Variants in NCK2 observed in about 807,000 individuals in gnomAD.
NCK2 encodes the protein NCK adaptor protein 2, also known as cytoplasmic protein NCK2.
Under a neutral mutation model 33.9 loss-of-function variants are expected in NCK2, and 16 were observed. The ratio of observed to expected loss-of-function variants is 0.47; its 90% confidence interval spans 0.32 to 0.72. The LOEUF (loss-of-function observed/expected upper bound fraction) is 0.72. NCK2 is among the 30% of genes least tolerant of loss of function. The pLI, the probability that NCK2 is intolerant of heterozygous loss-of-function variation, is 0.03. For synonymous variants in NCK2, 273 were observed against 239.9 expected, an observed-to-expected ratio of 1.14 and a Z score of -1.27; for missense variants, 418 against 537.3, an observed-to-expected ratio of 0.78 and a Z score of 2.19.
chr2:105,755,909 C>A (rs1689586720), intron 1 of NCK2, among the ~76,000 whole-genome samples: 1 of 152,172 alleles, frequency 6.6e-6, no homozygotes, highest in African/African-American at 2.4e-5. Context: ...TAATTTCCTT[C>A]TTTGTATAGT....
chr2:105,857,950 A>G (rs972155314), intron 3 of NCK2, among the ~76,000 whole-genome samples: 4 of 152,242 alleles, frequency 2.6e-5, no homozygotes, highest in Non-Finnish European at 5.9e-5. Flanking sequence ...GGCGTTGCCA[A>G]GAAGGAAAGT....
At chr2:105,852,277 A>G (rs1043411005) in intron 2 of NCK2, among the ~76,000 whole-genome samples, 5 of 152,188 alleles carry the variant, frequency 3.3e-5, no homozygotes, top group Admixed American at 2.0e-4. Context: ...ACTGCTCAAC[A>G]TTTACTTCCC....
chr2:105,780,341 C>T (rs1275853930), intron 1 of NCK2, among the ~76,000 whole-genome samples: 16 of 143,412 alleles, frequency 1.1e-4, no homozygotes, highest in Admixed American at 2.8e-4. Flanking sequence ...CACACACACA[C>T]ACACACACAC....
At chr2:105,755,306 G>A (rs868141268) in intron 1 of NCK2, among the ~76,000 whole-genome samples, 2 of 152,156 alleles carry the variant, frequency 1.3e-5, no homozygotes, top group African/African-American at 2.4e-5. Context: ...GTCAGACATC[G>A]TGCTGTTGTG....
In NCK2 at chr2:105,893,340, C is replaced by T; in HGVS notation, c.*164C>T. ...GTTCGTCTCCCATTTGCCATCCAGG[C>T]CTCACACCCACACTCGAGCCCACCC... On this transcript the variant is annotated 3_prime_UTR_variant, in exon 5 of 5. Transcript: ENST00000233154. 1 of 677,652 alleles carries T rather than the reference C, an allele frequency of 1.5e-6. No individual in the cohort carries two copies. Among genetic ancestry groups the T allele is most frequent in the Non-Finnish European group, 2.4e-6 (1 of 414,464 alleles). The allele number at this position is 677,652 out of a possible 1,614,324, so 42.0% of individuals were successfully genotyped here.
intron 2 of NCK2, among the ~76,000 whole-genome samples, chr2:105,826,982 G>A (rs1368887607): frequency 6.6e-6 from 1 of 151,906 alleles, no homozygotes; most frequent in Admixed American, 6.6e-5. Flanking sequence ...AGAAGACATA[G>A]CATTCTTTTT....
At chr2:105,781,579 A>T (rs1690498830) in intron 1 of NCK2, among the ~76,000 whole-genome samples, 1 of 152,228 alleles carries the variant, frequency 6.6e-6, no homozygotes, top group Non-Finnish European at 1.5e-5. Context: ...CCATTGCCAT[A>T]GTGTGACTTT....
chr2:105,810,346 A>G (rs1339971031), intron 1 of NCK2, among the ~76,000 whole-genome samples: 9 of 152,102 alleles, frequency 5.9e-5, no homozygotes, highest in African/African-American at 2.2e-4. Flanking sequence ...GCGAGCAAGC[A>G]CACAAGCAAG....
At chr2:105,838,948 A>G (rs918893582) in intron 2 of NCK2, among the ~76,000 whole-genome samples, 1 of 152,240 alleles carries the variant, frequency 6.6e-6, no homozygotes, top group African/African-American at 2.4e-5. Flanking sequence ...GGGCCATGGA[A>G]AAAGAGAAAA....
intron 3 of NCK2, among the ~76,000 whole-genome samples, chr2:105,857,452 A>G (rs6543346): frequency 0.93 from 141,901 of 152,310 alleles, 66,174 homozygotes; most frequent in East Asian, 0.98. Context: ...CTTAAATAGA[A>G]TCAGATTTTT....
Position 105,775,961 on chromosome 2 carries a change from G to C in NCK2, c.-201+30823G>C, listed in dbSNP as rs188098247. On this transcript the variant is annotated intron_variant, in intron 1 of 4. Transcript: ENST00000233154. ...CCACCAACAAAAAAAACAGTGCGAG[G>C]GATAATTGTTGACCGTCAGTTGCTT... Among the ~76,000 whole-genome samples, 382 of 152,334 alleles carry C rather than the reference G, an allele frequency of 2.5e-3. 3 individuals are homozygous for C. The highest frequency in any genetic ancestry group is 8.6e-3 in the African/African-American group (357 of 41,572).
intron 2 of NCK2, among the ~76,000 whole-genome samples, chr2:105,823,132 CTG>C (rs10610689): frequency 0.017 from 2,526 of 148,572 alleles, 38 homozygotes; most frequent in East Asian, 0.07. Flanking sequence ...TCCTCTCATG[CTG>C]TGTGTGTGTG....
chr2:105,868,787 T>G (rs1677861566), intron 3 of NCK2, among the ~76,000 whole-genome samples: 1 of 152,224 alleles, frequency 6.6e-6, no homozygotes, highest in African/African-American at 2.4e-5. Context: ...TTGCACTATC[T>G]GTAGAATTCT....
At chr2:105,857,229 C>G (rs570580819) in intron 3 of NCK2, 2 of 152,144 alleles carry the variant, frequency 1.3e-5, no homozygotes, top group Non-Finnish European at 2.9e-5. Flanking sequence ...CCACATCTTC[C>G]GCCCAGCATG....
At chr2:105,889,616 C>A in intron 4 of NCK2, among the ~76,000 whole-genome samples, 1 of 146,334 alleles carries the variant, frequency 6.8e-6, no homozygotes, top group Non-Finnish European at 1.5e-5. Flanking sequence ...TAGGGTCTCA[C>A]TCTGTCATCT....
chr2:105,768,778 G>A (rs2104373723), intron 1 of NCK2, among the ~76,000 whole-genome samples: 1 of 152,222 alleles, frequency 6.6e-6, no homozygotes, highest in South Asian at 2.1e-4. Flanking sequence ...CCAAAAGATT[G>A]GACACCCCTG....
chr2:105,817,342 C>T (rs890972538), intron 2 of NCK2, among the ~76,000 whole-genome samples: 2 of 152,144 alleles, frequency 1.3e-5, no homozygotes, highest in Admixed American at 6.5e-5. Context: ...CCACAGGCAC[C>T]AGACAAAAAC....
chr2:105,882,626 T>G (rs958519703), intron 4 of NCK2, among the ~76,000 whole-genome samples: 1 of 151,808 alleles, frequency 6.6e-6, no homozygotes, highest in Non-Finnish European at 1.5e-5. Context: ...TGAGTTTTGT[T>G]TGTGTGCAGT....
chr2:105,817,175 CA>C (rs10639030), intron 2 of NCK2, among the ~76,000 whole-genome samples: 24 of 136,158 alleles, frequency 1.8e-4, no homozygotes, highest in Non-Finnish European at 2.3e-4. Flanking sequence ...GACTTGGTCT[CA>C]AAAAAAAAAA....
Sources: allele counts gnomAD v4.1 joint callset (sites outside exome capture counted in the v4.1 genomes callset), GRCh38; gene constraint gnomAD v4.1.1; transcripts MANE v1.5; gene names NCBI Gene and HGNC (gene_info 2026-07-23, HGNC 2026-07-21).